Variants in AKAP9 observed in about 807,000 individuals in gnomAD.
The protein encoded by AKAP9 is A-kinase anchoring protein 9.
Under a neutral mutation model 488.5 loss-of-function variants are expected in AKAP9, and 311 were observed. The ratio of observed to expected loss-of-function variants is 0.64; its 90% CI spans 0.58 to 0.70. The LOEUF is 0.70. Ranked by LOEUF, AKAP9 falls within the 30% of genes least tolerant of loss-of-function variation. AKAP9 has a pLI of 0.00. For synonymous variants in AKAP9, 1,462 were observed against 1,483.5 expected, an observed-to-expected ratio of 0.99 and a Z score of 0.33; for missense variants, 4,215 against 4,374.5, an observed-to-expected ratio of 0.96 and a Z score of 1.03.
intron 3 of AKAP9, among the ~76,000 whole-genome samples, chr7:91,985,039 T>C (rs1179034677): frequency 2.0e-5 from 3 of 152,224 alleles, no homozygotes; most frequent in Non-Finnish European, 4.4e-5. Context: ...TTTCTAAATA[T>C]ACAATCATGT....
chr7:92,086,955 C>T (rs183737415), intron 37 of AKAP9, among the ~76,000 whole-genome samples: 4 of 152,286 alleles, frequency 2.6e-5, no homozygotes, highest in East Asian at 1.9e-4. Context: ...ACAGCCTTCT[C>T]GTACTTAGGA....
chr7:92,067,484 C>CT (rs1302986091), intron 26 of AKAP9, among the ~76,000 whole-genome samples: 1 of 152,202 alleles, frequency 6.6e-6, no homozygotes, highest in Non-Finnish European at 1.5e-5. Flanking sequence ...TTCCAACCCA[C>CT]TGATGGGTCA....
rs1190920754 is a variant in AKAP9 at position 92,097,598 on chromosome 7, A to G, written c.10411A>G (p.Ser3471Gly). Residue 3471 changes from serine to glycine, a missense_variant, in exon 42 of 50, where the codon AGC (serine) becomes GGC (glycine). Coordinates refer to ENST00000356239, the MANE Select transcript of AKAP9 (RefSeq NM_005751.5). ...CCAAAATTGCCAGCCAACCACGTGG[A>G]GCTTAACCAGTGATAGAACTAGAAA... ...YQNLNEPTTW[S>G]LTSDRTRNWV... 2 of 1,613,382 alleles carry G rather than the reference A, an allele frequency of 1.2e-6. No individual in the cohort carries two copies. Among genetic ancestry groups the G allele is most frequent in the Admixed American group, 3.3e-5 (2 of 59,994 alleles).
At chr7:92,008,302 G>A (rs1377564961) in intron 8 of AKAP9, among the ~76,000 whole-genome samples, 2 of 152,126 alleles carry the variant, frequency 1.3e-5, no homozygotes, top group Non-Finnish European at 2.9e-5. Flanking sequence ...GGGAGGCAGA[G>A]GTTGCAGTGA....
At chr7:92,025,696 A>G (rs1802996416) in intron 14 of AKAP9, among the ~76,000 whole-genome samples, 1 of 152,184 alleles carries the variant, frequency 6.6e-6, no homozygotes, top group African/African-American at 2.4e-5. Context: ...TTTACTGGCT[A>G]TATGATCTTG....
rs371812306 is a variant in AKAP9 at position 92,068,056 on chromosome 7, G to A, written c.6330+1510G>A. On this transcript the variant is annotated intron_variant, in intron 26 of 49. Coordinates refer to ENST00000356239, the MANE Select transcript of AKAP9 (RefSeq NM_005751.5). ...TAATAAAATGTTGTATACTAGAGTA[G>A]TACAAAAGTTATCAGTCTCCAGGGC... 2.6e-5 allele frequency among the ~76,000 whole-genome samples: 4 copies of A among 152,090 alleles called. 1 individual carries two copies.
chr7:92,102,470 TACTACTACTACTACTACTACC>T, intron 45 of AKAP9, 103 bp from the exon 46 acceptor site: 1 of 693,262 alleles, frequency 1.4e-6, no homozygotes, highest in Middle Eastern at 3.9e-4. Flanking sequence ...CTACTACTAC[TACTACTACTACTACTACTACC>T]ACCACCACCA....
At chr7:91,947,492 A>G (rs781099579) in intron 1 of AKAP9, among the ~76,000 whole-genome samples, 1 of 151,944 alleles carries the variant, frequency 6.6e-6, no homozygotes, top group East Asian at 1.9e-4. Flanking sequence ...ACAGGCGCCC[A>G]CCACCACACC....
intron 3 of AKAP9, among the ~76,000 whole-genome samples, chr7:91,986,769 A>G (rs1797143786): frequency 6.6e-6 from 1 of 152,124 alleles, no homozygotes; most frequent in African/African-American, 2.4e-5. Flanking sequence ...TTTTAAGGTA[A>G]GGTACAAATA....
Position 92,031,552 on chromosome 7 carries a change from T to C in AKAP9, c.4286T>C (p.Val1429Ala), listed in dbSNP as rs375993686. The part of the protein sequence containing the change: ...EFGVKEETNI[V>A]KLLEKQYQEQ... ...GGAGTGAAAGAGGAAACAAATATCGTTAAGTTGCTTGAAAAACAATACCAA... is the reference window on the plus strand; with the variant it reads ...GGAGTGAAAGAGGAAACAAATATCGCTAAGTTGCTTGAAAAACAATACCAA... The change falls in exon 16 of 50, where the codon GTT becomes GCT. Residue 1429 changes from valine (V) to alanine (A), a missense_variant. Around this residue, in one of 5 missense-constraint regions of AKAP9, gnomAD observed 2,361 missense variants for 2,430.0 expected, o/e 0.97. Coordinates refer to ENST00000356239, the MANE Select transcript of AKAP9 (RefSeq NM_005751.5). 6.2e-7 allele frequency: 1 copy of C among 1,612,762 alleles called. No individual in the cohort carries two copies. The highest frequency in any genetic ancestry group is 1.3e-5 in the African/African-American group (1 of 74,916).
At chr7:92,055,408 C>T (rs116745409) in intron 22 of AKAP9, among the ~76,000 whole-genome samples, 1 of 152,026 alleles carries the variant, frequency 6.6e-6, no homozygotes, top group African/African-American at 2.4e-5. Flanking sequence ...GTTATAGGCC[C>T]TCTGTGAAAT....
At chr7:91,975,837 T>A (rs1795593182) in intron 2 of AKAP9, among the ~76,000 whole-genome samples, 1 of 152,024 alleles carries the variant, frequency 6.6e-6, no homozygotes, top group African/African-American at 2.4e-5. Context: ...CCTGGTTCAT[T>A]AAGTGTTTTC....
At chr7:92,068,971 C>T (rs1478907214) in intron 26 of AKAP9, among the ~76,000 whole-genome samples, 1 of 151,788 alleles carries the variant, frequency 6.6e-6, no homozygotes, top group African/African-American at 2.4e-5. Context: ...TACAACTAAT[C>T]CTTCCTGTCA....
intron 8 of AKAP9, among the ~76,000 whole-genome samples, chr7:92,011,667 G>T (rs560869577): frequency 6.6e-6 from 1 of 152,158 alleles, no homozygotes; most frequent in Non-Finnish European, 1.5e-5. Flanking sequence ...TCAGTGGAGC[G>T]TAATGGAAAG....
At chr7:91,967,080 T>C (rs937216163) in intron 1 of AKAP9, among the ~76,000 whole-genome samples, 8 of 152,158 alleles carry the variant, frequency 5.3e-5, no homozygotes. Context: ...TTTGTAGCTA[T>C]AGTAAATGTG....
At chr7:92,020,296 C>T (rs932571199) in intron 12 of AKAP9, among the ~76,000 whole-genome samples, 2 of 152,122 alleles carry the variant, frequency 1.3e-5, no homozygotes, top group African/African-American at 2.4e-5. Flanking sequence ...TGATCTTTGG[C>T]ACCCTGGGCT....
At position 92,002,042 on chromosome 7, in the gene AKAP9, C is replaced by T. The variant is rs762574367; in HGVS notation, c.2125C>T (p.Leu709Phe). The T allele has an allele frequency of 1.4e-5, 22 of 1,603,678 alleles. No homozygotes were observed. Among genetic ancestry groups the T allele is most frequent in the Admixed American group, 1.7e-5 (1 of 58,164 alleles). ...AAAGCTAAAAGATTTACAGCAGTCT[C>T]TTGTAAATTCAAAGTCAGAAGAAAT... ...ISKLKDLQQSLVNSKSEEMTL... is the reference protein window; with the variant it reads ...ISKLKDLQQSFVNSKSEEMTL... Residue 709 changes from leucine (L) to phenylalanine (F), a missense_variant, in exon 8 of 50, where the codon CTT becomes TTT. Transcript: ENST00000356239.
intron 22 of AKAP9, among the ~76,000 whole-genome samples, chr7:92,060,982 C>G (rs901742631): frequency 1.3e-5 from 2 of 152,060 alleles, no homozygotes; most frequent in African/African-American, 4.8e-5. Context: ...AGTACACAGC[C>G]ATTGATTTAA....
intron 8 of AKAP9, among the ~76,000 whole-genome samples, chr7:92,006,550 A>G (rs1211651380): frequency 1.3e-5 from 2 of 152,170 alleles, no homozygotes; most frequent in African/African-American, 4.8e-5. Context: ...AAAGCCTGTA[A>G]ACTTCCTGCC....
Sources: gnomAD v4.1 joint callset for allele counts (sites outside exome capture counted in the v4.1 genomes callset) on GRCh38, gnomAD v4.1.1 for gene constraint, gnomAD v4.1.1 regional missense constraint, MANE v1.5 for transcripts, NCBI Gene and HGNC (gene_info 2026-07-23, HGNC 2026-07-21) for gene names.